Variants in MLPH observed in about 807,000 individuals in gnomAD.
MLPH encodes the protein exophilin-3.
Under a neutral mutation model 72.1 loss-of-function variants are expected in MLPH, and 51 were observed. That is an observed-to-expected ratio of 0.71 (90% CI 0.56 to 0.89). The LOEUF is 0.89. MLPH is among the 40% of genes least tolerant of loss of function. The pLI is 0.00. For missense variants in MLPH, 743 were observed against 759.9 expected, an observed-to-expected ratio of 0.98 and a Z score of 0.26; for synonymous variants, 301 against 310.1, an observed-to-expected ratio of 0.97 and a Z score of 0.31.
At chr2:237,496,431 C>T (rs59214542) in intron 2 of MLPH, among the ~76,000 whole-genome samples, 16,194 of 152,196 alleles carry the variant, frequency 0.11, 1,046 homozygotes, top group East Asian at 0.24. Context: ...CTTCTGACAC[C>T]CGTCTTTCCT....
chr2:237,526,821 G>C (rs1461979759), intron 7 of MLPH, among the ~76,000 whole-genome samples: 2 of 152,184 alleles, frequency 1.3e-5, no homozygotes, highest in Admixed American at 6.5e-5. Context: ...CTCACTGGCA[G>C]CACTGTCTCT....
At chr2:237,545,671 ATCCCATTCAGG>A in intron 12 of MLPH, 1 of 1,243,646 alleles carries the variant, frequency 8.0e-7, no homozygotes, top group African/African-American at 1.6e-5. Context: ...TCCTCTCCTG[ATCCCATTCAGG>A]AATCTTCAGA....
chr2:237,546,327 T>A (rs1574912853), intron 12 of MLPH: 5 of 472,092 alleles, frequency 1.1e-5, no homozygotes, highest in Admixed American at 3.3e-5. Flanking sequence ...CCAGCTTGAC[T>A]TTTTCCTTTA....
At chr2:237,519,227 G>C (rs529401065) in intron 5 of MLPH, among the ~76,000 whole-genome samples, 1 of 152,128 alleles carries the variant, frequency 6.6e-6, no homozygotes, top group Non-Finnish European at 1.5e-5. Context: ...GAAGGGGCTG[G>C]GTAGGTGAGC....
At chr2:237,518,205 T>C in intron 4 of MLPH, 2 of 412,282 alleles carry the variant, frequency 4.9e-6, no homozygotes, top group Non-Finnish European at 9.3e-6. Flanking sequence ...GGTGGATGAA[T>C]AGATGGGTGG....
At chr2:237,493,162 G>A (rs772050797) in intron 1 of MLPH, among the ~76,000 whole-genome samples, 12 of 152,322 alleles carry the variant, frequency 7.9e-5, no homozygotes, top group Non-Finnish European at 1.8e-4. Context: ...CCGTGGCTGA[G>A]TGTGTTTGGG....
chr2:237,490,327 TA>T (rs376565099), intron 1 of MLPH, among the ~76,000 whole-genome samples: 1,713 of 141,732 alleles, frequency 0.012, 24 homozygotes, highest in African/African-American at 0.034. Context: ...GGACCTCATC[TA>T]AAAAAAAAAA....
rs1288804669 is a variant in MLPH at position 237,525,724 on chromosome 2, C to T, written c.799C>T (p.Pro267Ser). ...HPEEQPTSIS[P>S]SRHGALAELC... Reference sequence around the variant, plus strand: ...GGAAGAGCAGCCGACCAGCATCTCACCTTCCAGACACGGCGCCCTGGCTGA... The same window carrying T: ...GGAAGAGCAGCCGACCAGCATCTCATCTTCCAGACACGGCGCCCTGGCTGA... Residue 267 changes from proline to serine, a missense_variant, in exon 7 of 16, where the codon CCT (proline) becomes TCT (serine). By Grantham distance (74) the Pro-to-Ser change is moderately conservative. Transcript: ENST00000264605. 1 of 1,614,036 alleles carries T rather than the reference C, an allele frequency of 6.2e-7. No individual in the cohort carries two copies. The highest frequency in any genetic ancestry group is 1.3e-5 in the African/African-American group (1 of 74,946).
In MLPH at chr2:237,523,418, A is replaced by T. The variant is rs564131407; in HGVS notation, c.676-2183A>T. On this transcript the variant is annotated intron_variant, in intron 6 of 15. Transcript: ENST00000264605. ...AGTTGCACCAATGTTTTTAGTTCCC[A>T]AGACCAACGGTAACTCTAATCCTTT... 1.7e-3 allele frequency among the ~76,000 whole-genome samples: 263 copies of T among 152,344 alleles called. 2 individuals carry two copies. Among genetic ancestry groups the T allele is most frequent in the Non-Finnish European group, 2.5e-3 (168 of 68,026 alleles).
rs959157458 is a variant in MLPH, at chr2:237,511,187, T to A, written c.445+86T>A. On this transcript the variant is annotated intron_variant, in intron 4 of 15. Transcript: ENST00000264605. Reference sequence around the variant, plus strand: ...GGTTCCTTTGGAGTGTGCATGTGTGTGTGTACGTGTGTGTGTGCATGTGTG... The same window carrying A: ...GGTTCCTTTGGAGTGTGCATGTGTGAGTGTACGTGTGTGTGTGCATGTGTG... The A allele has an allele frequency of 6.4e-4, 622 of 978,848 alleles. 1 individual carries two copies. The highest frequency in any genetic ancestry group is 8.7e-4 in the Non-Finnish European group (527 of 605,102). 60.6% of individuals were successfully genotyped at this position (978,848 alleles called of 1,614,324 possible). A position where few individuals can be genotyped will look rare whatever the true frequency, so the allele number is the denominator to read the frequency against.
intron 4 of MLPH, 160 bp downstream of exon 4, chr2:237,511,261 T>G: frequency 1.7e-6 from 1 of 590,698 alleles, no homozygotes; most frequent in Non-Finnish European, 3.0e-6. Flanking sequence ...TTCCTGCTTC[T>G]GGCTGCTTTT....
At chr2:237,533,390 C>CATTTTTTT (rs1553600847) in intron 8 of MLPH, among the ~76,000 whole-genome samples, 1 of 108,010 alleles carries the variant, frequency 9.3e-6, no homozygotes, top group East Asian at 2.6e-4. Flanking sequence ...ATTTTCTTTT[C>CATTTTTTT]TTTTTTTTTT....
chr2:237,503,372 A>G (rs1236218030), intron 2 of MLPH, among the ~76,000 whole-genome samples: 1 of 152,056 alleles, frequency 6.6e-6, no homozygotes, highest in Non-Finnish European at 1.5e-5. Flanking sequence ...CTTCCTCTTC[A>G]TCTTTTTTAT....
At chr2:237,497,359 T>C (rs565636312) in intron 2 of MLPH, among the ~76,000 whole-genome samples, 5 of 152,328 alleles carry the variant, frequency 3.3e-5, no homozygotes, top group African/African-American at 1.2e-4. Flanking sequence ...TCTTATTGTT[T>C]CATTTGTGCT....
chr2:237,491,203 T>C (rs2079422460), intron 1 of MLPH, among the ~76,000 whole-genome samples: 1 of 152,204 alleles, frequency 6.6e-6, no homozygotes, highest in African/African-American at 2.4e-5. Flanking sequence ...CTTCTCAGAA[T>C]TCAGAAGCAA....
chr2:237,498,356 C>T (rs900369584), intron 2 of MLPH, among the ~76,000 whole-genome samples: 4 of 152,222 alleles, frequency 2.6e-5, no homozygotes, highest in Non-Finnish European at 5.9e-5. Context: ...TTGAAGGACG[C>T]TGGGCAGGGT....
At chr2:237,517,733 A>G (rs1297568619) in intron 4 of MLPH, among the ~76,000 whole-genome samples, 1 of 51,784 alleles carries the variant, frequency 1.9e-5, no homozygotes, top group Non-Finnish European at 3.1e-5. Context: ...AAGTGGGTGG[A>G]TGGATGGATG....
intron 2 of MLPH, among the ~76,000 whole-genome samples, chr2:237,503,491 C>T (rs1319627335): frequency 1.3e-5 from 2 of 152,144 alleles, no homozygotes; most frequent in South Asian, 2.1e-4. Flanking sequence ...CCTGGGTCCC[C>T]GGTGCTGCTC....
intron 11 of MLPH, among the ~76,000 whole-genome samples, chr2:237,542,117 C>G (rs1430417289): frequency 2.0e-5 from 3 of 152,048 alleles, no homozygotes; most frequent in African/African-American, 7.2e-5. Flanking sequence ...ATGGGGCCTG[C>G]TTCTAATTTC....
Sources: gnomAD v4.1 joint callset for allele counts (sites outside exome capture counted in the v4.1 genomes callset) on GRCh38, gnomAD v4.1.1 for gene constraint, MANE v1.5 for transcripts, NCBI Gene and HGNC (gene_info 2026-07-23, HGNC 2026-07-21) for gene names.